The following CAST variants were observed in gnomAD, a reference collection of about 807,000 sequenced individuals.
CAST encodes the protein calpastatin, also known as MIR583 host.
In CAST, 76 loss-of-function variants were observed where a neutral mutation model predicts 119.6. That is an observed-to-expected ratio of 0.64 (90% CI 0.53 to 0.77). The LOEUF is 0.77. CAST is among the 30% of genes least tolerant of loss of function. The probability of loss-of-function intolerance (pLI) is 0.00; values close to 1 mark genes in which losing one functional copy is unlikely to be tolerated. For synonymous variants in CAST, 319 were observed against 331.6 expected (o/e 0.96, Z 0.41); for missense variants, 953 against 946.5 (o/e 1.01, Z -0.09).
chr5:96,390,152 G>A, the CAST span, among the ~76,000 whole-genome samples: 3 of 152,178 alleles, frequency 2.0e-5, no homozygotes, highest in African/African-American at 7.2e-5. Context: ...AGCTTTGCAT[G>A]TTGTCAAGAA....
the CAST span, among the ~76,000 whole-genome samples, chr5:96,066,352 C>A: frequency 6.6e-6 from 1 of 151,680 alleles, no homozygotes; most frequent in South Asian, 2.1e-4. Flanking sequence ...CTGTTCCATT[C>A]ATTCCCACTG....
chr5:96,264,160 A>G, the CAST span, among the ~76,000 whole-genome samples: 2 of 152,214 alleles, frequency 1.3e-5, no homozygotes, highest in Non-Finnish European at 2.9e-5. Flanking sequence ...ATCCTCTGTC[A>G]ATGTCTTCTG....
chr5:96,682,297 C>T (rs1751519936), intron 2 of CAST, among the ~76,000 whole-genome samples: 1 of 152,126 alleles, frequency 6.6e-6, no homozygotes, highest in Non-Finnish European at 1.5e-5. Flanking sequence ...AAGTTTGCCC[C>T]CCACATATTT....
the CAST span, among the ~76,000 whole-genome samples, chr5:96,426,259 T>C: frequency 6.6e-6 from 1 of 152,192 alleles, no homozygotes; most frequent in East Asian, 1.9e-4. Context: ...CTCATTTTTA[T>C]ATTGAGGTTT....
At chr5:96,123,708 T>C in the CAST span, among the ~76,000 whole-genome samples, 99,968 of 151,992 alleles carry the variant, frequency 0.66, 33,329 homozygotes, top group African/African-American at 0.74. Context: ...GTTTTAACAG[T>C]AAATTCAACA....
the CAST span, among the ~76,000 whole-genome samples, chr5:96,224,713 T>C: frequency 6.6e-6 from 1 of 152,210 alleles, no homozygotes; most frequent in Non-Finnish European, 1.5e-5. Flanking sequence ...AGTTATGTTG[T>C]TTTAAGCCAC....
intron 1 of CAST, among the ~76,000 whole-genome samples, chr5:96,614,275 C>T (rs1747415180): frequency 6.6e-6 from 1 of 152,172 alleles, no homozygotes; most frequent in African/African-American, 2.4e-5. Flanking sequence ...TGGCAAATGC[C>T]TGACTCGTTA....
At chr5:96,287,479 G>T in the CAST span, among the ~76,000 whole-genome samples, 3 of 151,992 alleles carry the variant, frequency 2.0e-5, no homozygotes, top group Non-Finnish European at 4.4e-5. Context: ...TTTTTCCAAG[G>T]TGTGAGATTG....
At chr5:96,373,690 A>T in the CAST span, among the ~76,000 whole-genome samples, 1 of 152,174 alleles carries the variant, frequency 6.6e-6, no homozygotes, top group Non-Finnish European at 1.5e-5. Flanking sequence ...AAGCAGTTTT[A>T]TCATCTATGA....
At chr5:96,191,776 G>A in the CAST span, among the ~76,000 whole-genome samples, 2 of 152,150 alleles carry the variant, frequency 1.3e-5, no homozygotes, top group African/African-American at 4.8e-5. Context: ...CACCATGTTG[G>A]CCAGGATGGT....
At chr5:96,133,402 G>C in the CAST span, among the ~76,000 whole-genome samples, 2 of 152,100 alleles carry the variant, frequency 1.3e-5, no homozygotes, top group Non-Finnish European at 2.9e-5. Flanking sequence ...AATAATGGAA[G>C]GAGTGCTGGA....
At chr5:96,062,229 A>C in the CAST span, among the ~76,000 whole-genome samples, 460 of 152,244 alleles carry the variant, frequency 3.0e-3, 2 homozygotes, top group Non-Finnish European at 4.3e-3. Flanking sequence ...CATAGGACCC[A>C]CCAGCCTTAT....
chr5:96,484,126 G>A, the CAST span, among the ~76,000 whole-genome samples: 1 of 152,128 alleles, frequency 6.6e-6, no homozygotes, highest in Admixed American at 6.6e-5. Flanking sequence ...GCATGATTTT[G>A]AGGACTCCTG....
the CAST span, among the ~76,000 whole-genome samples, chr5:96,509,988 G>A: frequency 6.6e-6 from 1 of 152,128 alleles, no homozygotes; most frequent in African/African-American, 2.4e-5. Context: ...CTTTTATAAC[G>A]TTGTGGATTT....
At chr5:96,447,802 T>C in the CAST span, among the ~76,000 whole-genome samples, 1 of 152,134 alleles carries the variant, frequency 6.6e-6, no homozygotes, top group Non-Finnish European at 1.5e-5. Flanking sequence ...ATATATGTGA[T>C]ATCAGCTGAG....
chr5:96,414,715 A>T, the CAST span, among the ~76,000 whole-genome samples: 1 of 152,348 alleles, frequency 6.6e-6, no homozygotes, highest in African/African-American at 2.4e-5. Context: ...TGAAGGGATC[A>T]GATGATTCTT....
chr5:96,219,360 C>T, the CAST span, among the ~76,000 whole-genome samples: 1 of 152,200 alleles, frequency 6.6e-6, no homozygotes, highest in African/African-American at 2.4e-5. Context: ...ATCCATTTTG[C>T]CCCTGTCTCA....
chr5:96,046,840 GA>G, the CAST span, among the ~76,000 whole-genome samples: 1 of 152,132 alleles, frequency 6.6e-6, no homozygotes, highest in Non-Finnish European at 1.5e-5. Context: ...AGCAGCAAGA[GA>G]AAAATGAGGA....
the CAST span, among the ~76,000 whole-genome samples, chr5:96,396,675 C>CA: frequency 3.9e-5 from 6 of 152,052 alleles, no homozygotes; most frequent in Admixed American, 3.9e-4. Flanking sequence ...TTCTCACCTA[C>CA]AGAGAATGTT....
Sources: gnomAD v4.1 joint callset for allele counts (sites outside exome capture counted in the v4.1 genomes callset) on GRCh38, gnomAD v4.1.1 for gene constraint, MANE v1.5 for transcripts, NCBI Gene and HGNC (gene_info 2026-07-23, HGNC 2026-07-21) for gene names.